Variants in ADAMTS6 observed in about 807,000 individuals in gnomAD.
ADAMTS6 encodes A disintegrin and metalloproteinase with thrombospondin motifs 6.
A neutral mutation model predicts 144.3 loss-of-function variants in ADAMTS6; 23 were observed. The observed-to-expected ratio is 0.16, with a 90% CI of 0.11 to 0.23. ADAMTS6 has a LOEUF of 0.23. ADAMTS6 is among the 10% of genes least tolerant of loss of function. ADAMTS6 has a pLI of 1.00. For missense variants in ADAMTS6, 999 were observed against 1,379.6 expected (o/e 0.72, Z 4.37); for synonymous variants, 444 against 457.5 (o/e 0.97, Z 0.38).
At chr5:65,232,751 G>C (rs766435102) in intron 15 of ADAMTS6, among the ~76,000 whole-genome samples, 1 of 149,834 alleles carries the variant, frequency 6.7e-6, no homozygotes. Flanking sequence ...TACTTCACCA[G>C]TGAATTATAC....
intron 15 of ADAMTS6, among the ~76,000 whole-genome samples, chr5:65,236,024 T>A (rs780990012): frequency 6.6e-6 from 1 of 152,150 alleles, no homozygotes; most frequent in Non-Finnish European, 1.5e-5. Context: ...ATCCCAAAGG[T>A]ATATGCACCT....
At chr5:65,375,132 C>T (rs1404760334) in intron 7 of ADAMTS6, among the ~76,000 whole-genome samples, 5 of 152,096 alleles carry the variant, frequency 3.3e-5, no homozygotes, top group African/African-American at 9.7e-5. Context: ...AAGATTTAAA[C>T]GTTAGACCTA....
intron 7 of ADAMTS6, among the ~76,000 whole-genome samples, chr5:65,408,571 T>G (rs1754777669): frequency 6.6e-6 from 1 of 152,122 alleles, no homozygotes; most frequent in Non-Finnish European, 1.5e-5. Context: ...CACCCCACTG[T>G]CAACATTAGA....
At chr5:65,351,456 G>C (rs1342368165) in intron 7 of ADAMTS6, among the ~76,000 whole-genome samples, 2 of 152,120 alleles carry the variant, frequency 1.3e-5, no homozygotes, top group Non-Finnish European at 2.9e-5. Context: ...GAAAATCTTG[G>C]GGAATCACAA....
chr5:65,297,393 A>G (rs1453267009), intron 10 of ADAMTS6: 1 of 360,976 alleles, frequency 2.8e-6, no homozygotes, highest in Non-Finnish European at 5.4e-6. Flanking sequence ...TCTATAAATC[A>G]TAGAAAGCTC....
intron 7 of ADAMTS6, among the ~76,000 whole-genome samples, chr5:65,396,452 T>C (rs1398829258): frequency 1.3e-5 from 2 of 152,218 alleles, no homozygotes; most frequent in Admixed American, 6.5e-5. Context: ...TTTCTGTCTA[T>C]GGCCACCCAG....
chr5:65,189,968 A>G (rs1754907259), intron 21 of ADAMTS6, among the ~76,000 whole-genome samples: 1 of 152,234 alleles, frequency 6.6e-6, no homozygotes, highest in Admixed American at 6.5e-5. Flanking sequence ...AAAGCTTAAG[A>G]GCAAATTTCT....
intron 7 of ADAMTS6, among the ~76,000 whole-genome samples, chr5:65,361,933 C>G (rs998550538): frequency 1.3e-5 from 2 of 152,084 alleles, no homozygotes; most frequent in African/African-American, 4.8e-5. Flanking sequence ...AAAGGTTTCA[C>G]CACATTGCCC....
At chr5:65,371,175 A>T (rs1750863943) in intron 7 of ADAMTS6, among the ~76,000 whole-genome samples, 1 of 152,264 alleles carries the variant, frequency 6.6e-6, no homozygotes, top group African/African-American at 2.4e-5. Context: ...GGGGAAAAAA[A>T]CAGAGCAGAA....
chr5:65,397,197 T>C (rs1184640425), intron 7 of ADAMTS6, among the ~76,000 whole-genome samples: 4 of 152,224 alleles, frequency 2.6e-5, no homozygotes, highest in African/African-American at 9.6e-5. Flanking sequence ...CTTTCATTTC[T>C]AGTATTAGTA....
At chr5:65,458,283 A>G (rs1319575579) in intron 4 of ADAMTS6, among the ~76,000 whole-genome samples, 1 of 152,202 alleles carries the variant, frequency 6.6e-6, no homozygotes, top group East Asian at 1.9e-4. Context: ...TCAAGAAGAA[A>G]GTGTGCAGAA....
At chr5:65,384,335 TCAAGAGAAACCATGCCA>T (rs1001749734) in intron 7 of ADAMTS6, among the ~76,000 whole-genome samples, 4 of 152,026 alleles carry the variant, frequency 2.6e-5, no homozygotes, top group Middle Eastern at 3.4e-3. Context: ...CTATAAGGAG[TCAAGAGAAACCATGCCA>T]CAAGAGAAAC....
At chr5:65,438,426 G>C (rs543026366) in intron 7 of ADAMTS6, among the ~76,000 whole-genome samples, 3 of 152,270 alleles carry the variant, frequency 2.0e-5, no homozygotes, top group Middle Eastern at 3.4e-3. Flanking sequence ...TACTTGGGAG[G>C]CTGAGGCATG....
intron 7 of ADAMTS6, among the ~76,000 whole-genome samples, chr5:65,433,997 A>T (rs917245299): frequency 6.6e-6 from 1 of 152,226 alleles, no homozygotes; most frequent in African/African-American, 2.4e-5. Flanking sequence ...TGAAAAGGAG[A>T]AACAACCCAG....
At chr5:65,172,522 A>G (rs1332941260) in intron 23 of ADAMTS6, among the ~76,000 whole-genome samples, 1 of 152,118 alleles carries the variant, frequency 6.6e-6, no homozygotes, top group African/African-American at 2.4e-5. Flanking sequence ...ACTAGAATCC[A>G]AAGTTTTGGT....
chr5:65,475,890 TATAC>T (rs1361727237), intron 1 of ADAMTS6, among the ~76,000 whole-genome samples: 2 of 152,206 alleles, frequency 1.3e-5, no homozygotes, highest in Non-Finnish European at 2.9e-5. Flanking sequence ...GTGAAGTAAA[TATAC>T]TCTGCCCCTG....
At chr5:65,311,677 A>G (rs530154381) in intron 9 of ADAMTS6, among the ~76,000 whole-genome samples, 1 of 152,162 alleles carries the variant, frequency 6.6e-6, no homozygotes, top group South Asian at 2.1e-4. Flanking sequence ...AAAATAACAT[A>G]ATGCATTTTG....
At chr5:65,302,147 T>A (rs1561398297) in intron 9 of ADAMTS6, among the ~76,000 whole-genome samples, 1 of 144,088 alleles carries the variant, frequency 6.9e-6, no homozygotes, top group East Asian at 2.0e-4. Context: ...TAATATATAT[T>A]TACATATAAT....
At chr5:65,331,139 T>C (rs1746680275) in intron 8 of ADAMTS6, among the ~76,000 whole-genome samples, 3 of 152,220 alleles carry the variant, frequency 2.0e-5, no homozygotes, top group African/African-American at 7.2e-5. Flanking sequence ...GCCTATTATA[T>C]GGGAAGAACA....
Sources: gnomAD v4.1 joint callset for allele counts (sites outside exome capture counted in the v4.1 genomes callset) on GRCh38, gnomAD v4.1.1 for gene constraint, MANE v1.5 for transcripts, NCBI Gene and HGNC (gene_info 2026-07-23, HGNC 2026-07-21) for gene names.